CFAP46: variants seen among roughly 807,000 people sequenced by gnomAD.
CFAP46 encodes the protein cilia and flagella associated protein 46.
CFAP46 carries 245 observed loss-of-function variants against 325.7 expected under a neutral mutation model. That is an observed-to-expected ratio of 0.75 (90% CI 0.68 to 0.84). The LOEUF is 0.84. Among genes scored for constraint, CFAP46 ranks in the 40% least tolerant of loss-of-function variants. The pLI, the probability that CFAP46 is intolerant of heterozygous loss-of-function variation, is 0.00. For synonymous variants in CFAP46, 1,523 were observed against 1,495.9 expected (o/e 1.02, Z -0.42); for missense variants, 3,346 against 3,543.0 (o/e 0.94, Z 1.41).
In CFAP46 at chr10:132,919,349, G is replaced by A; in HGVS notation, c.1824C>T (p.Asp608=). ...RTASRFCLLY[D]NVKVKKLRLR... is the part of the protein sequence containing the mutation. ...GCCTCAACTTCTTCACCTTGACGTT[G>A]TCATACAGGAGGCAGAAGCGGCTCG... The change falls in exon 15 of 58, where the codon GAC becomes GAT. Residue 608 remains aspartate, a synonymous_variant. Coordinates refer to ENST00000368586, the MANE Select transcript of CFAP46 (RefSeq NM_001200049.3). This position sits in a 1 kb window ranked among gnomAD's most constrained non-coding sequence, Gnocchi z 9.7. 1 of 1,550,198 alleles carries A rather than the reference G, an allele frequency of 6.5e-7. No homozygotes were observed. The highest frequency in any genetic ancestry group is 8.7e-7 in the Non-Finnish European group (1 of 1,146,900).
intron 28 of CFAP46, among the ~76,000 whole-genome samples, chr10:132,880,491 T>A (rs10732707): frequency 0.45 from 67,798 of 152,154 alleles, 15,379 homozygotes; most frequent in East Asian, 0.7. Flanking sequence ...TGAGGTGCTC[T>A]GGACCCCCGC....
chr10:132,928,360 G>T, intron 9 of CFAP46, among the ~76,000 whole-genome samples: 1 of 152,062 alleles, frequency 6.6e-6, no homozygotes, highest in East Asian at 1.9e-4. Context: ...CCGGTAAAGG[G>T]CATCAAACAC....
chr10:132,850,245 G>A lies in CFAP46; in HGVS notation c.5951C>T (p.Ser1984Leu), dbSNP rs764639270. ...TGGGATAGAAGCAGGAGCACCTACC[G>A]AGGGGCCCGCCTCCCAGTAGCAGGT... is the stretch of plus-strand genomic sequence containing the variant. ...HPTCYWEAGP[S>L]VGAKLSGLKS... The change falls in exon 41 of 58, where the codon TCG becomes TTG. Residue 1984 changes from serine (S) to leucine (L), a missense_variant and splice_region_variant. Transcript: ENST00000368586. 1.2e-5 allele frequency: 19 copies of A among 1,550,418 alleles called. No individual in the cohort carries two copies. The highest frequency in any genetic ancestry group is 9.5e-5 in the South Asian group (8 of 84,016).
At chr10:132,862,663 C>G (rs1434407139) in intron 35 of CFAP46, among the ~76,000 whole-genome samples, 1 of 151,732 alleles carries the variant, frequency 6.6e-6, no homozygotes, top group African/African-American at 2.4e-5. Flanking sequence ...CCCCGAGAGA[C>G]AAGGCCACTG....
At chr10:132,932,590 G>GCGGCTTCCTCCTCC (rs1439495131) in intron 8 of CFAP46, among the ~76,000 whole-genome samples, 1 of 148,054 alleles carries the variant, frequency 6.8e-6, no homozygotes, top group Non-Finnish European at 1.5e-5. Context: ...CATAGATCCT[G>GCGGCTTCCTCCTCC]CAGCTTCCTC....
At chr10:132,868,153 C>T (rs1030961403) in intron 33 of CFAP46, among the ~76,000 whole-genome samples, 12 of 152,348 alleles carry the variant, frequency 7.9e-5, no homozygotes, top group Admixed American at 5.2e-4. Flanking sequence ...CCCAGGCCTC[C>T]CCGGCCACGC....
rs745508167 is a variant in CFAP46, at chr10:132,834,762, A to C, written c.6758T>G (p.Leu2253Arg). 79 of 1,612,040 alleles carry C rather than the reference A, an allele frequency of 4.9e-5. No individual in the cohort carries two copies. The highest frequency in any genetic ancestry group is 6.7e-5 in the Non-Finnish European group (79 of 1,179,138). ...AGGGCGCTCCTTCTCTTCCACCTGC[A>C]GGCCTTCTGGTTCCTACCGCAATCC... ...ALNIGSEPEG[L>R]QVEEKERPVQ... Residue 2253 changes from leucine (L) to arginine (R), a missense_variant, in exon 48 of 58, where the codon CTG becomes CGG. Leu to Arg is a moderately radical substitution (Grantham distance 102, BLOSUM62 -2). Coordinates refer to ENST00000368586, the MANE Select transcript of CFAP46 (RefSeq NM_001200049.3).
intron 22 of CFAP46, among the ~76,000 whole-genome samples, chr10:132,907,075 G>A (rs1054749672): frequency 6.6e-6 from 1 of 152,268 alleles, no homozygotes; most frequent in African/African-American, 2.4e-5. Context: ...GCCGACACAG[G>A]CCCTGGAGCC....
intron 50 of CFAP46, among the ~76,000 whole-genome samples, chr10:132,821,302 CTGTGTGTTG>C (rs1847815090): frequency 2.0e-5 from 2 of 100,540 alleles, no homozygotes; most frequent in African/African-American, 4.3e-5. Context: ...GCTGTGTGTG[CTGTGTGTTG>C]TGTGTGCTGT....
At position 132,836,236 on chromosome 10, in the gene CFAP46, G is replaced by A. The variant is rs748980136; in HGVS notation, c.6537-18C>T. On this transcript the variant is annotated intron_variant, in intron 45 of 57. Transcript: ENST00000368586. ...GACGGGACCTGCTGGCAGGACGTGG[G>A]CCAGGGTCGCAGGCAAGCCATGAAG... is the stretch of plus-strand genomic sequence containing the variant. The A allele has an allele frequency of 6.2e-7, 1 of 1,609,988 alleles. No individual in the cohort carries two copies. Among genetic ancestry groups the A allele is most frequent in the Non-Finnish European group, 8.5e-7 (1 of 1,179,130 alleles).
intron 13 of CFAP46, among the ~76,000 whole-genome samples, chr10:132,920,542 T>C (rs1849707330): frequency 6.6e-6 from 1 of 152,198 alleles, no homozygotes; most frequent in South Asian, 2.1e-4. Context: ...AGCCCCTGCG[T>C]AGCACCCCAA....
intron 50 of CFAP46, among the ~76,000 whole-genome samples, chr10:132,822,490 T>A (rs1847883267): frequency 2.3e-5 from 3 of 128,798 alleles, no homozygotes; most frequent in South Asian, 2.8e-4. Context: ...GTGTGCTGTG[T>A]GTGCTGATGT....
Position 132,835,246 on chromosome 10 carries a change from C to T in CFAP46, c.6744+58G>A. On this transcript the variant is annotated intron_variant, in intron 47 of 57. Coordinates refer to ENST00000368586, the MANE Select transcript of CFAP46 (RefSeq NM_001200049.3). Reference sequence around the variant, plus strand: ...CCCCCACCTCGCCAGGGTCCTGGCTCCCAGGGGTGGGGAGCAGAGGGTCCC... The same window carrying T: ...CCCCCACCTCGCCAGGGTCCTGGCTTCCAGGGGTGGGGAGCAGAGGGTCCC... The T allele has an allele frequency of 1.9e-6, 3 of 1,594,124 alleles. No homozygotes were observed. In the South Asian group the frequency reaches 3.4e-5, roughly 18 times the overall value.
intron 32 of CFAP46, among the ~76,000 whole-genome samples, chr10:132,870,652 C>A (rs1173964338): frequency 1.3e-5 from 2 of 152,226 alleles, no homozygotes; most frequent in East Asian, 3.8e-4. Context: ...CAGGCCCTCA[C>A]TCTCTTCAAT....
rs544972280 is a variant in CFAP46, at chr10:132,862,114, C to T, written c.4891-1132G>A. 3.3e-5 allele frequency among the ~76,000 whole-genome samples: 5 copies of T among 152,338 alleles called. No individual in the cohort carries two copies. In the East Asian group the frequency reaches 9.7e-4, roughly 29 times the overall value. ...CCTGGGCCCATAGCAGCCTCGTGGG[C>T]AGTCAGGTGGCCTGAGGGTAGGCAG... On this transcript the variant is annotated intron_variant, in intron 35 of 57. Coordinates refer to ENST00000368586, the MANE Select transcript of CFAP46 (RefSeq NM_001200049.3).
rs1379173555 is a variant in CFAP46, at chr10:132,814,259, A to C, written c.7286-5T>G. On this transcript the variant is annotated splice_polypyrimidine_tract_variant and splice_region_variant and intron_variant, in intron 53 of 57. Transcript: ENST00000368586. The stretch of plus-strand genomic sequence containing the variant: ...TGGAGACAGGAGTTAGCATTTCTGC[A>C]AGGAGAACAGGGTGGATACAGACCA... The C allele has an allele frequency of 6.2e-7, 1 of 1,608,272 alleles. No individual in the cohort carries two copies. The highest frequency in any genetic ancestry group is 2.2e-5 in the East Asian group (1 of 44,870).
chr10:132,939,156 G>A lies in CFAP46; in HGVS notation c.372-403C>T, dbSNP rs768380561. ...AGACAAGAATGGGCAAGGACAGAGG[G>A]AATCAAGGAAGGCTTCCTGGAGGAG... On this transcript the variant is annotated intron_variant, in intron 4 of 57. Coordinates refer to ENST00000368586, the MANE Select transcript of CFAP46 (RefSeq NM_001200049.3). This position sits in a 1 kb window ranked among gnomAD's most constrained non-coding sequence, Gnocchi z 4.6. Among the ~76,000 whole-genome samples, 11 of 152,186 alleles carry A rather than the reference G, an allele frequency of 7.2e-5. No individual in the cohort carries two copies. The highest frequency in any genetic ancestry group is 1.3e-4 in the Non-Finnish European group (9 of 68,020).
rs1848080857 is a variant in CFAP46 at position 132,827,659 on chromosome 10, T to C, written c.7117+5699A>G. Among the ~76,000 whole-genome samples the C allele has an allele frequency of 6.6e-6, 1 of 152,040 alleles. No individual in the cohort carries two copies. Among genetic ancestry groups the C allele is most frequent in the Non-Finnish European group, 1.5e-5 (1 of 68,014 alleles). On this transcript the variant is annotated intron_variant, in intron 50 of 57. Transcript: ENST00000368586. The surrounding 1 kb of genome is among the most constrained non-coding windows in gnomAD (Gnocchi z 5.7). The stretch of plus-strand genomic sequence containing the variant: ...TGAGCAACGTGACGGGACTGGACGC[T>C]GCACGCCAGCAAGTCATCGCCACAG...
chr10:132,927,163 G>A (rs778114260), intron 9 of CFAP46, among the ~76,000 whole-genome samples: 7 of 152,310 alleles, frequency 4.6e-5, no homozygotes, highest in East Asian at 3.9e-4. Flanking sequence ...AACCCACCCC[G>A]CTCGAGGGGT....
Sources: gnomAD v4.1 joint callset for allele counts (sites outside exome capture counted in the v4.1 genomes callset) on GRCh38, gnomAD v4.1.1 for gene constraint, Gnocchi (gnomAD v3.1) non-coding constraint, MANE v1.5 for transcripts, NCBI Gene and HGNC (gene_info 2026-07-23, HGNC 2026-07-21) for gene names.